The following DDB1 variants were observed in gnomAD, a reference collection of about 807,000 sequenced individuals.
DDB1 encodes DNA damage-binding protein 1.
A neutral mutation model predicts 133.1 loss-of-function variants in DDB1; 18 were observed. The observed-to-expected ratio is 0.14, with a 90% CI of 0.09 to 0.20. The LOEUF is 0.20. Ranked by LOEUF, DDB1 falls within the 10% of genes least tolerant of loss-of-function variation. The pLI is 1.00. For synonymous variants in DDB1, 580 were observed against 550.5 expected, an observed-to-expected ratio of 1.05 and a Z score of -0.75; for missense variants, 828 against 1,459.2, an observed-to-expected ratio of 0.57 and a Z score of 7.05.
intron 1 of DDB1, chr11:61,332,131 T>C (rs1590703986): frequency 6.0e-6 from 1 of 167,786 alleles, no homozygotes; most frequent in Admixed American, 5.6e-5. Context: ...GAGCTTTATA[T>C]GAAAACACTG....
At chr11:61,303,548 C>T (rs540703412) in intron 22 of DDB1, among the ~76,000 whole-genome samples, 2 of 151,972 alleles carry the variant, frequency 1.3e-5, no homozygotes, top group South Asian at 2.1e-4. Flanking sequence ...ATTAGCCAGG[C>T]GTGTTGGCAG....
At chr11:61,319,264 G>A (rs115886805) in intron 10 of DDB1, among the ~76,000 whole-genome samples, 2,015 of 152,252 alleles carry the variant, frequency 0.013, 33 homozygotes, top group African/African-American at 0.042. Context: ...GAACTGAGAA[G>A]CCACCACTAT....
chr11:61,323,786 A>T (rs377674314), intron 7 of DDB1, 193 bp downstream of exon 7: 2 of 582,078 alleles, frequency 3.4e-6, no homozygotes, highest in African/African-American at 1.9e-5. Flanking sequence ...GGCTGCTTGG[A>T]TAGATTATCA....
At chr11:61,306,712 A>AAT (rs1178878230) in intron 21 of DDB1, among the ~76,000 whole-genome samples, 1 of 152,036 alleles carries the variant, frequency 6.6e-6, no homozygotes, top group Non-Finnish European at 1.5e-5. Context: ...ATAATCACAT[A>AAT]ATAACTGTCT....
chr11:61,324,267 A>G (rs917834394), intron 6 of DDB1, 130 bp from the exon 7 acceptor site: 2 of 951,146 alleles, frequency 2.1e-6, no homozygotes, highest in African/African-American at 1.6e-5. Flanking sequence ...ATAACATTAC[A>G]TGAAAATGAG....
intron 4 of DDB1, 137 bp from the exon 5 acceptor site, chr11:61,327,030 C>T: frequency 1.5e-6 from 1 of 663,898 alleles, no homozygotes; most frequent in African/African-American, 1.8e-5. Context: ...TTATCCATCA[C>T]TATACTGACA....
chr11:61,302,628 G>A lies in DDB1; in HGVS notation c.3066C>T (p.Thr1022=). The A allele has an allele frequency of 8.1e-6, 13 of 1,614,222 alleles. No individual in the cohort carries two copies. The highest frequency in any genetic ancestry group is 1.1e-5 in the Non-Finnish European group (13 of 1,180,032). The change falls in exon 24 of 27, where the codon ACC becomes ACT. Residue 1022 remains threonine (T), a synonymous_variant. Coordinates refer to ENST00000301764, the MANE Select transcript of DDB1 (RefSeq NM_001923.5). ...LVMQNLGETS[T]PTQGSVLFGT... Reference sequence around the variant, plus strand: ...CGAAGAGCACCGAGCCTTGTGTGGGGGTGGAAGTCTCACCCAGATTCTGCA... The same window carrying A: ...CGAAGAGCACCGAGCCTTGTGTGGGAGTGGAAGTCTCACCCAGATTCTGCA...
In DDB1 at chr11:61,333,029, GA is replaced by G; in HGVS notation, c.-62del. Reference sequence around the variant, plus strand: ...CGACACTAGAAAGAGGGACACAAGCGAAAAGACAGGTGGCCCCCAACAGCGC... The same window carrying G: ...CGACACTAGAAAGAGGGACACAAGCGAAAGACAGGTGGCCCCCAACAGCGC... On this transcript the variant is annotated 5_prime_UTR_variant, in exon 1 of 27. Coordinates refer to ENST00000301764, the MANE Select transcript of DDB1 (RefSeq NM_001923.5). 1.4e-6 allele frequency: 2 copies of G among 1,401,912 alleles called. No homozygotes were observed. The highest frequency in any genetic ancestry group is 9.5e-7 in the Non-Finnish European group (1 of 1,052,840). 86.8% of individuals were successfully genotyped at this position (1,401,912 alleles called of 1,614,324 possible).
At chr11:61,314,782 G>A (rs1428716546) in intron 12 of DDB1, 2 of 186,082 alleles carry the variant, frequency 1.1e-5, no homozygotes, top group Non-Finnish European at 1.1e-5. Context: ...CCTGTGGGAA[G>A]ATATGAATAG....
Position 61,322,623 on chromosome 11 carries a change from A to G in DDB1, c.1006-211T>C. 5 of 570,288 alleles carry G rather than the reference A, an allele frequency of 8.8e-6. No individual in the cohort carries two copies. The South Asian group carries it at 1.2e-4, about 13-fold the overall frequency. The allele number at this position is 570,288 out of a possible 1,614,324, so 35.3% of individuals were successfully genotyped here. ...TTAATCAGCCAAGGATTGCTGACCT[A>G]GAGTCCATGGATGGATTTCAGAGAA... is the stretch of plus-strand genomic sequence containing the variant. On this transcript the variant is annotated intron_variant, in intron 8 of 26. Transcript: ENST00000301764.
chr11:61,303,828 A>G, intron 22 of DDB1, 37 bp downstream of exon 22: 1 of 1,609,614 alleles, frequency 6.2e-7, no homozygotes, highest in Non-Finnish European at 8.5e-7. Flanking sequence ...CGGTGGCTCA[A>G]GCAAGAAGTC....
intron 5 of DDB1, among the ~76,000 whole-genome samples, chr11:61,326,477 A>G (rs561288363): frequency 6.6e-6 from 1 of 152,298 alleles, no homozygotes; most frequent in East Asian, 1.9e-4. Context: ...CCAGCAATAA[A>G]ATAATGAGAC....
chr11:61,310,223 A>G, intron 19 of DDB1, 72 bp downstream of exon 19: 1 of 1,549,168 alleles, frequency 6.5e-7, no homozygotes, highest in Non-Finnish European at 8.7e-7. Flanking sequence ...CAGGCTTTGC[A>G]GGTACCAGAG....
intron 10 of DDB1, among the ~76,000 whole-genome samples, chr11:61,319,618 G>C (rs1261031480): frequency 6.6e-6 from 1 of 152,074 alleles, no homozygotes; most frequent in Non-Finnish European, 1.5e-5. Flanking sequence ...TTTTAGTAGA[G>C]ATGGGGTTTC....
In DDB1 at chr11:61,309,812, G is replaced by C. The variant is rs1490801417; in HGVS notation, c.2550C>G (p.Val850=). The change falls in exon 20 of 27, where the codon GTC becomes GTG. Residue 850 remains valine (V), a synonymous_variant. Transcript: ENST00000301764. ...CCCACTTACCATCCGAATACTGAAA[G>C]ACCACAATGCGACCCTGCTTGGGCT... ...EAEPKQGRIV[V]FQYSDGKLQT... 1.2e-6 allele frequency: 2 copies of C among 1,613,140 alleles called. No homozygotes were observed. The highest frequency in any genetic ancestry group is 1.7e-6 in the Non-Finnish European group (2 of 1,179,636).
chr11:61,330,182 C>G, intron 2 of DDB1, 108 bp from the exon 3 acceptor site: 1 of 832,598 alleles, frequency 1.2e-6, no homozygotes, highest in Non-Finnish European at 1.9e-6. Context: ...ATTCTTCTCT[C>G]CCTAAAGAGA....
chr11:61,300,932 G>A lies in DDB1; in HGVS notation c.3216C>T (p.Phe1072=). Residue 1072 remains phenylalanine (F), a splice_region_variant and synonymous_variant, in exon 26 of 27, where the codon TTC becomes TTT. Coordinates refer to ENST00000301764, the MANE Select transcript of DDB1 (RefSeq NM_001923.5). ...IKSVGKIEHS[F]WRSFHTERKT... is the part of the protein sequence containing the mutation. ...TCCGCTCGGTGTGAAAGGATCTCCAGGTGGATGGGTGAGTTAAGGAACACG... is the reference window on the plus strand; with the variant it reads ...TCCGCTCGGTGTGAAAGGATCTCCAAGTGGATGGGTGAGTTAAGGAACACG... 3 of 1,614,128 alleles carry A rather than the reference G, an allele frequency of 1.9e-6. No homozygotes were observed. Among genetic ancestry groups the A allele is most frequent in the Non-Finnish European group, 2.5e-6 (3 of 1,180,024 alleles).
intron 10 of DDB1, among the ~76,000 whole-genome samples, chr11:61,320,518 T>C (rs568595185): frequency 3.3e-5 from 5 of 152,258 alleles, no homozygotes; most frequent in South Asian, 2.1e-4. Flanking sequence ...TATTTCTTTA[T>C]TGACCTTTTC....
chr11:61,316,684 G>T, intron 10 of DDB1, 117 bp from the exon 11 acceptor site: 1 of 1,086,026 alleles, frequency 9.2e-7, no homozygotes, highest in South Asian at 1.3e-5. Context: ...CACTTGGGAA[G>T]GCAGAGGCAG....
Sources: gnomAD v4.1 joint callset for allele counts (sites outside exome capture counted in the v4.1 genomes callset) on GRCh38, gnomAD v4.1.1 for gene constraint, MANE v1.5 for transcripts, NCBI Gene and HGNC (gene_info 2026-07-23, HGNC 2026-07-21) for gene names.